The following TBP variants were observed in gnomAD, a reference collection of about 807,000 sequenced individuals.
The protein encoded by TBP is TATA-box-binding protein.
In TBP, 12 loss-of-function variants were observed where a neutral mutation model predicts 46.2. The observed-to-expected ratio is 0.26, with a 90% CI of 0.17 to 0.42. The LOEUF (loss-of-function observed/expected upper bound fraction) is 0.42. Among genes scored for constraint, TBP ranks in the 10% least tolerant of loss-of-function variants. The pLI is 1.00. For missense variants in TBP, 229 were observed against 403.1 expected (o/e 0.57, Z 3.70); for synonymous variants, 157 against 148.3 (o/e 1.06, Z -0.42).
chr6:170,561,966 AGC>A lies in TBP; in HGVS notation c.231_232del (p.Gln78AlafsTer99), dbSNP rs1779152477. On this transcript the variant is annotated frameshift_variant, in exon 3 of 8. Transcript: ENST00000392092. LOFTEE classifies it high-confidence loss of function. ...CAGCAGCAGCAACAGCAACAGCAGC[AGC>A]AGCAGCAGCAGCAGCAGCAGCAGCA... 18 of 1,292,412 alleles carry A rather than the reference AGC, an allele frequency of 1.4e-5. No homozygotes were observed. The South Asian group carries it at 2.0e-4, about 15-fold the overall frequency. The allele number at this position is 1,292,412 out of a possible 1,614,324, so 80.1% of individuals were successfully genotyped here.
chr6:170,556,231 C>CA (rs1199569967), intron 1 of TBP, among the ~76,000 whole-genome samples: 17 of 152,286 alleles, frequency 1.1e-4, no homozygotes, highest in African/African-American at 4.1e-4. Flanking sequence ...GTTATAAACT[C>CA]ATTTCAGATG....
rs537067180 is a variant in TBP at position 170,561,744 on chromosome 6, A to T, written c.55-47A>T. 24 of 1,582,184 alleles carry T rather than the reference A, an allele frequency of 1.5e-5. No individual in the cohort carries two copies. In the South Asian group the frequency reaches 2.7e-4, roughly 17 times the overall value. On this transcript the variant is annotated intron_variant, in intron 2 of 7. Coordinates refer to ENST00000392092, the MANE Select transcript of TBP (RefSeq NM_003194.5). ...GTTCCACCAAGAAAGTTCCACAAAC[A>T]CTTAGCAGCAGCCAGCCTAACCTGT...
chr6:170,568,181 G>A (rs1030351906), intron 5 of TBP, among the ~76,000 whole-genome samples: 7 of 152,072 alleles, frequency 4.6e-5, no homozygotes, highest in Admixed American at 2.6e-4. Flanking sequence ...AATTAAGAGC[G>A]TTTTTGTTTG....
Position 170,562,012 on chromosome 6 carries a change from GCAGCAA to G in TBP, c.280_285del (p.Gln94_Gln95del), listed in dbSNP as rs1562359751. On this transcript the variant is annotated inframe_deletion, in exon 3 of 8. Transcript: ENST00000392092. ...AGCAGCAGCAGCAGCAGCAGCAGCA[GCAGCAA>G]CAGGCAGTGGCAGCTGCAGCCGTTC... 6.9e-6 allele frequency: 11 copies of G among 1,592,142 alleles called. No individual in the cohort carries two copies. The African/African-American group carries it at 1.2e-4, about 18-fold the overall frequency.
At chr6:170,556,692 C>T (rs970259695) in intron 1 of TBP, among the ~76,000 whole-genome samples, 190 bp from the exon 2 acceptor site, 7 of 152,020 alleles carry the variant, frequency 4.6e-5, no homozygotes, top group African/African-American at 1.7e-4. Context: ...GTTTTGTTGG[C>T]GATTTTACAT....
intron 6 of TBP, among the ~76,000 whole-genome samples, chr6:170,570,593 G>GA (rs1338807018): frequency 6.6e-6 from 1 of 152,200 alleles, no homozygotes; most frequent in Non-Finnish European, 1.5e-5. Context: ...AGCATTTTGG[G>GA]AGGCCGAGGC....
At chr6:170,562,534 C>T (rs1779169467) in intron 3 of TBP, among the ~76,000 whole-genome samples, 2 of 152,218 alleles carry the variant, frequency 1.3e-5, no homozygotes, top group Middle Eastern at 6.8e-3. Context: ...TTCCCTGTAT[C>T]TGATATCGCT....
chr6:170,558,659 G>A (rs9348342), intron 2 of TBP, among the ~76,000 whole-genome samples: 23,964 of 147,346 alleles, frequency 0.16, 2,376 homozygotes, highest in South Asian at 0.31. Flanking sequence ...ATTATTATCC[G>A]TTATTGTTAT....
intron 5 of TBP, among the ~76,000 whole-genome samples, chr6:170,569,251 C>G (rs1475766313): frequency 6.6e-6 from 1 of 152,200 alleles, no homozygotes; most frequent in Admixed American, 6.5e-5. Context: ...AATAATAAAT[C>G]TCATCAACAT....
intron 4 of TBP, among the ~76,000 whole-genome samples, chr6:170,566,478 T>C (rs924622510): frequency 7.2e-5 from 11 of 152,266 alleles, no homozygotes; most frequent in African/African-American, 2.7e-4. Context: ...TAATCTGATT[T>C]ATTAATTCCA....
At chr6:170,568,809 C>CTTTT (rs61619130) in intron 5 of TBP, among the ~76,000 whole-genome samples, 44,313 of 88,056 alleles carry the variant, frequency 0.5, 13,585 homozygotes, top group East Asian at 0.78. Flanking sequence ...TTCTTTCTTT[C>CTTTT]CTTTTCTTTT....
At chr6:170,557,604 G>A (rs1220854033) in intron 2 of TBP, among the ~76,000 whole-genome samples, 1 of 151,502 alleles carries the variant, frequency 6.6e-6, no homozygotes, top group African/African-American at 2.4e-5. Context: ...GTGTTGTGGC[G>A]GGTGCCTGTA....
At position 170,572,340 on chromosome 6, in the gene TBP, T is replaced by G. The variant is rs558465908; in HGVS notation, c.*75T>G. The G allele has an allele frequency of 8.2e-7, 1 of 1,214,018 alleles. No individual in the cohort carries two copies. The highest frequency in any genetic ancestry group is 1.3e-5 in the South Asian group (1 of 78,096). The allele number at this position is 1,214,018 out of a possible 1,614,324, so 75.2% of individuals were successfully genotyped here. On this transcript the variant is annotated 3_prime_UTR_variant, in exon 8 of 8. Coordinates refer to ENST00000392092, the MANE Select transcript of TBP (RefSeq NM_003194.5). The stretch of plus-strand genomic sequence containing the variant: ...AAACAAATCAGTTTGTTTTGGTACC[T>G]TTAAATGGTGGTGTTGTGAGAAGAT...
At position 170,561,928 on chromosome 6, in the gene TBP, G is replaced by GCAGCAGCAGCAACAACAA. The variant is rs1779146837; in HGVS notation, c.203_204insACAACAACAGCAGCAGCA (p.Gln90_Gln95dup). On this transcript the variant is annotated inframe_insertion, in exon 3 of 8. Coordinates refer to ENST00000392092, the MANE Select transcript of TBP (RefSeq NM_003194.5). ...AAAGGCAGCAGCAGCAACAACAACA[G>GCAGCAGCAGCAACAACAA]CAGCAGCAGCAGCAGCAGCAGCAAC... 8.4e-7 allele frequency: 1 copy of GCAGCAGCAGCAACAACAA among 1,189,836 alleles called. No homozygotes were observed. Among genetic ancestry groups the GCAGCAGCAGCAACAACAA allele is most frequent in the Non-Finnish European group, 1.2e-6 (1 of 829,026 alleles). 73.7% of individuals were successfully genotyped at this position (1,189,836 alleles called of 1,614,324 possible).
At chr6:170,557,130 G>T in intron 2 of TBP, 47 bp downstream of exon 2, 2 of 1,541,104 alleles carry the variant, frequency 1.3e-6, no homozygotes, top group Non-Finnish European at 9.0e-7. Flanking sequence ...AATCTGAACT[G>T]CAAGAGATGG....
chr6:170,563,612 AAT>A (rs1288792427), intron 3 of TBP, among the ~76,000 whole-genome samples: 1 of 152,048 alleles, frequency 6.6e-6, no homozygotes, highest in African/African-American at 2.4e-5. Flanking sequence ...GGATCAACCT[AAT>A]TGGCTTTACA....
At chr6:170,570,133 T>C (rs1044193852) in intron 6 of TBP, among the ~76,000 whole-genome samples, 13 of 152,244 alleles carry the variant, frequency 8.5e-5, no homozygotes, top group African/African-American at 3.1e-4. Context: ...TAGTCAACAT[T>C]GTGTCAGATC....
In TBP at chr6:170,562,937, A is replaced by G. The variant is rs187648676; in HGVS notation, c.497+704A>G. 1.8e-3 allele frequency among the ~76,000 whole-genome samples: 264 copies of G among 150,120 alleles called. 2 individuals carry two copies. The highest frequency in any genetic ancestry group is 2.1e-3 in the Non-Finnish European group (143 of 67,542). ...TTGTACAGATACCTTCCTCCTTCAT[A>G]CTCCCTTTAGATCTAGTATTTCCTA... On this transcript the variant is annotated intron_variant, in intron 3 of 7. Transcript: ENST00000392092.
At position 170,572,280 on chromosome 6, in the gene TBP, C is replaced by A. The variant is rs755407976; in HGVS notation, c.*15C>A. ...AGACGACGTAATGGCTCTCATGTACCCTTGCCTCCCCCACCCCCTTCTTTT... is the reference window on the plus strand; with the variant it reads ...AGACGACGTAATGGCTCTCATGTACACTTGCCTCCCCCACCCCCTTCTTTT... On this transcript the variant is annotated 3_prime_UTR_variant, in exon 8 of 8. Transcript: ENST00000392092. 1.3e-6 allele frequency: 2 copies of A among 1,588,168 alleles called. No individual in the cohort carries two copies. The highest frequency in any genetic ancestry group is 1.1e-5 in the South Asian group (1 of 88,120).
Sources: gnomAD v4.1 joint callset for allele counts (sites outside exome capture counted in the v4.1 genomes callset) on GRCh38, gnomAD v4.1.1 for gene constraint, MANE v1.5 for transcripts, NCBI Gene and HGNC (gene_info 2026-07-23, HGNC 2026-07-21) for gene names.